FREM1: variants seen among roughly 807,000 people sequenced by gnomAD.
The protein encoded by FREM1 is FRAS1 related extracellular matrix 1.
In FREM1, 220 loss-of-function variants were observed where a neutral mutation model predicts 210.1. The observed-to-expected ratio is 1.05, with a 90% CI of 0.94 to 1.17. The LOEUF (loss-of-function observed/expected upper bound fraction) is 1.17. FREM1 is among the 50% of genes most tolerant of loss of function. The pLI is 0.00. For missense variants in FREM1, 3,454 were observed against 2,675.5 expected (o/e 1.29, Z -6.42); for synonymous variants, 1,189 against 980.2 (o/e 1.21, Z -3.98).
intron 10 of FREM1, among the ~76,000 whole-genome samples, chr9:14,827,664 C>CTAT (rs1394538969): frequency 1.3e-5 from 2 of 152,204 alleles, no homozygotes; most frequent in Non-Finnish European, 2.9e-5. Context: ...AAACCAGCTG[C>CTAT]TATTTATCAA....
At chr9:14,758,255 T>C (rs772302713) in intron 28 of FREM1, among the ~76,000 whole-genome samples, 2 of 152,184 alleles carry the variant, frequency 1.3e-5, no homozygotes, top group Admixed American at 6.5e-5. Context: ...GGCACGTTTG[T>C]TGTGCACTTT....
intron 25 of FREM1, among the ~76,000 whole-genome samples, chr9:14,773,669 T>C (rs964433870): frequency 4.0e-5 from 6 of 151,450 alleles, no homozygotes; most frequent in African/African-American, 1.5e-4. Context: ...CTTTACAATA[T>C]ATGTCCAACA....
chr9:14,827,730 A>AC (rs947970662), intron 10 of FREM1, among the ~76,000 whole-genome samples: 16 of 152,212 alleles, frequency 1.1e-4, no homozygotes, highest in African/African-American at 3.4e-4. Context: ...CATTCCCATC[A>AC]CAGGTTCAGA....
chr9:14,882,368 T>C (rs1391320369), intron 1 of FREM1, among the ~76,000 whole-genome samples: 1 of 152,122 alleles, frequency 6.6e-6, no homozygotes, highest in Non-Finnish European at 1.5e-5. Flanking sequence ...TCTATTCTTA[T>C]GGCTCCCTGC....
chr9:14,844,423 C>T (rs1361619762), intron 8 of FREM1, among the ~76,000 whole-genome samples: 2 of 152,090 alleles, frequency 1.3e-5, no homozygotes, highest in Non-Finnish European at 2.9e-5. Flanking sequence ...TGGGGTTTCA[C>T]CATGTCGGCC....
chr9:14,742,649 T>G (rs1304193404), intron 35 of FREM1, among the ~76,000 whole-genome samples: 5 of 152,172 alleles, frequency 3.3e-5, no homozygotes, highest in African/African-American at 1.2e-4. Context: ...TAAATGAATG[T>G]ATCTATAAAC....
chr9:14,872,383 G>A (rs10961762), intron 1 of FREM1, among the ~76,000 whole-genome samples: 1 of 151,822 alleles, frequency 6.6e-6, no homozygotes, highest in South Asian at 2.1e-4. Context: ...AGGTCCTTCA[G>A]GTCCCTTGTA....
At chr9:14,759,340 T>A (rs535968919) in intron 28 of FREM1, among the ~76,000 whole-genome samples, 2 of 152,012 alleles carry the variant, frequency 1.3e-5, no homozygotes, top group South Asian at 4.2e-4. Context: ...TGAAACCCCG[T>A]CTCCACTAAA....
At chr9:14,874,900 A>G (rs1030576864) in intron 1 of FREM1, among the ~76,000 whole-genome samples, 1 of 152,002 alleles carries the variant, frequency 6.6e-6, no homozygotes, top group African/African-American at 2.4e-5. Context: ...TTGTCTGTAA[A>G]GTGTTTTATT....
chr9:14,801,120 C>T (rs1375352148), intron 20 of FREM1, among the ~76,000 whole-genome samples: 2 of 152,158 alleles, frequency 1.3e-5, no homozygotes, highest in Non-Finnish European at 2.9e-5. Context: ...GCCTCAGCCT[C>T]CTGAGTAGCT....
At position 14,748,658 on chromosome 9, in the gene FREM1, G is replaced by T; in HGVS notation, c.5558-19C>A. 6.6e-7 allele frequency: 1 copy of T among 1,524,272 alleles called. No homozygotes were observed. The highest frequency in any genetic ancestry group is 9.0e-7 in the Non-Finnish European group (1 of 1,105,230). 94.4% of individuals were successfully genotyped at this position (1,524,272 alleles called of 1,614,324 possible). ...CATTGTCCTGGAGGCATGCAAGATG[G>T]CAGGCGGTCAGTTCATTTTACACAA... On this transcript the variant is annotated intron_variant, in intron 30 of 36. Transcript: ENST00000380880.
chr9:14,898,009 A>G (rs1402161106), intron 1 of FREM1, among the ~76,000 whole-genome samples: 1 of 152,224 alleles, frequency 6.6e-6, no homozygotes, highest in Non-Finnish European at 1.5e-5. Context: ...TTTCTTACAA[A>G]TAACTTTGTA....
intron 21 of FREM1, among the ~76,000 whole-genome samples, chr9:14,797,083 C>T (rs975381947): frequency 1.3e-5 from 2 of 152,212 alleles, no homozygotes; most frequent in Admixed American, 1.3e-4. Context: ...CGCTTAGTTA[C>T]AAGTTTCAGC....
intron 2 of FREM1, among the ~76,000 whole-genome samples, chr9:14,867,406 C>A (rs1250338690): frequency 6.6e-6 from 1 of 152,140 alleles, no homozygotes; most frequent in Admixed American, 6.6e-5. Context: ...ATATGTGGAG[C>A]CATTGTTGAA....
At chr9:14,884,344 G>T (rs950318439) in intron 1 of FREM1, among the ~76,000 whole-genome samples, 2 of 152,190 alleles carry the variant, frequency 1.3e-5, no homozygotes, top group Non-Finnish European at 2.9e-5. Context: ...CTGCAAATCA[G>T]TTCTGCTCTC....
intron 1 of FREM1, among the ~76,000 whole-genome samples, chr9:14,877,075 G>C (rs1833894859): frequency 6.6e-6 from 1 of 152,100 alleles, no homozygotes; most frequent in Non-Finnish European, 1.5e-5. Flanking sequence ...TCCTTACCTG[G>C]TTCTTTCTAG....
intron 21 of FREM1, among the ~76,000 whole-genome samples, chr9:14,795,468 G>A (rs1057024007): frequency 6.6e-6 from 1 of 152,284 alleles, no homozygotes; most frequent in Non-Finnish European, 1.5e-5. Context: ...AAAAATAATG[G>A]AGCAGTTTCC....
chr9:14,813,962 A>G (rs969486271), intron 15 of FREM1, among the ~76,000 whole-genome samples: 2 of 152,010 alleles, frequency 1.3e-5, no homozygotes, highest in African/African-American at 2.4e-5. Context: ...TTCTGCTAGT[A>G]TTTCTCTGGC....
rs1325833281 is a variant in FREM1 at position 14,823,539 on chromosome 9, C to T, written c.2170-212G>A. ...CTAATAGAAGCAAGGAAGAATTCTC[C>T]TACAGGGTTTCAGAAGGAGCATGGC... is the stretch of plus-strand genomic sequence containing the variant. On this transcript the variant is annotated intron_variant, in intron 12 of 36. Coordinates refer to ENST00000380880, the MANE Select transcript of FREM1 (RefSeq NM_001379081.2). Among the ~76,000 whole-genome samples, 12 of 152,162 alleles carry T rather than the reference C, an allele frequency of 7.9e-5. No individual in the cohort carries two copies. The South Asian group carries it at 2.3e-3, about 29-fold the overall frequency.
Sources: gnomAD v4.1 joint callset for allele counts (sites outside exome capture counted in the v4.1 genomes callset) on GRCh38, gnomAD v4.1.1 for gene constraint, MANE v1.5 for transcripts, NCBI Gene and HGNC (gene_info 2026-07-23, HGNC 2026-07-21) for gene names.